JAZF1: variants seen among roughly 807,000 people sequenced by gnomAD.
JAZF1 encodes the protein JAZF zinc finger 1, also known as juxtaposed with another zinc finger protein 1.
Under a neutral mutation model 26.4 loss-of-function variants are expected in JAZF1, and 8 were observed. That is an observed-to-expected ratio of 0.30 (90% CI 0.18 to 0.55). The LOEUF (loss-of-function observed/expected upper bound fraction) is 0.55. JAZF1 is among the 20% of genes least tolerant of loss of function. The probability of loss-of-function intolerance (pLI) is 0.94; values close to 1 mark genes in which losing one functional copy is unlikely to be tolerated. For missense variants in JAZF1, 199 were observed against 322.0 expected (o/e 0.62, Z 2.92); for synonymous variants, 126 against 122.3 (o/e 1.03, Z -0.20).
intron 1 of JAZF1, among the ~76,000 whole-genome samples, chr7:28,028,976 C>T (rs1406430619): frequency 4.0e-5 from 6 of 151,854 alleles, no homozygotes; most frequent in Non-Finnish European, 7.4e-5. Flanking sequence ...CAAATTTATT[C>T]CTTCATCCTA....
chr7:27,854,941 T>C (rs1422046799), intron 3 of JAZF1, among the ~76,000 whole-genome samples: 1 of 152,212 alleles, frequency 6.6e-6, no homozygotes, highest in Non-Finnish European at 1.5e-5. Context: ...TCCTGGAAAA[T>C]ATCCTGAAGA....
intron 2 of JAZF1, among the ~76,000 whole-genome samples, chr7:27,990,306 G>A (rs1390724515): frequency 2.0e-5 from 3 of 152,102 alleles, no homozygotes; most frequent in African/African-American, 7.2e-5. Context: ...AGGTGAGAGG[G>A]ATAGCATTAG....
At chr7:28,172,656 C>G (rs970580318) in intron 1 of JAZF1, among the ~76,000 whole-genome samples, 4 of 152,144 alleles carry the variant, frequency 2.6e-5, no homozygotes, top group Non-Finnish European at 5.9e-5. Flanking sequence ...AAAGAATTCT[C>G]CACAGACCTG....
chr7:27,947,486 G>A (rs1784938217), intron 2 of JAZF1, among the ~76,000 whole-genome samples: 2 of 152,096 alleles, frequency 1.3e-5, no homozygotes, highest in Non-Finnish European at 2.9e-5. Context: ...TGGCATTTGT[G>A]GCTTATGAGA....
intron 1 of JAZF1, among the ~76,000 whole-genome samples, chr7:28,053,349 G>A (rs983572941): frequency 2.6e-5 from 4 of 152,062 alleles, no homozygotes; most frequent in Non-Finnish European, 5.9e-5. Context: ...AAGTGGGTTT[G>A]GTGAATCACA....
chr7:27,856,673 C>T (rs1029313551), intron 3 of JAZF1, among the ~76,000 whole-genome samples: 2 of 152,100 alleles, frequency 1.3e-5, no homozygotes, highest in Admixed American at 6.5e-5. Flanking sequence ...TACAGAGTGT[C>T]GATTGGTGTA....
At chr7:27,984,746 A>G (rs1207082850) in intron 2 of JAZF1, among the ~76,000 whole-genome samples, 12 of 152,234 alleles carry the variant, frequency 7.9e-5, no homozygotes, top group Non-Finnish European at 1.6e-4. Context: ...AAATTATAAC[A>G]AACTGTCTCT....
intron 2 of JAZF1, among the ~76,000 whole-genome samples, chr7:27,953,687 A>T (rs1785045522): frequency 6.6e-6 from 1 of 152,236 alleles, no homozygotes; most frequent in Non-Finnish European, 1.5e-5. Flanking sequence ...GATAAAAAAG[A>T]CAAATTTAAC....
At chr7:28,105,456 T>C (rs988069878) in intron 1 of JAZF1, among the ~76,000 whole-genome samples, 6 of 152,240 alleles carry the variant, frequency 3.9e-5, no homozygotes, top group Non-Finnish European at 7.3e-5. Flanking sequence ...AAACTGCACC[T>C]TGGGACACTT....
At chr7:28,071,540 CAA>C (rs1783976896) in intron 1 of JAZF1, 1 of 459,580 alleles carries the variant, frequency 2.2e-6, no homozygotes, top group Non-Finnish European at 4.5e-6. Flanking sequence ...TATTAATACA[CAA>C]AAGTTAGTAT....
intron 2 of JAZF1, among the ~76,000 whole-genome samples, chr7:27,974,469 AAC>A (rs1258105220): frequency 6.6e-6 from 1 of 152,172 alleles, no homozygotes; most frequent in African/African-American, 2.4e-5. Flanking sequence ...TACAGTGCGA[AAC>A]ACTTCAAACT....
chr7:27,917,045 C>T (rs955699004), intron 2 of JAZF1, among the ~76,000 whole-genome samples: 13 of 152,290 alleles, frequency 8.5e-5, no homozygotes, highest in African/African-American at 3.1e-4. Flanking sequence ...TGGAGACCAG[C>T]CTGGGCAACA....
At chr7:28,064,709 T>C (rs914156167) in intron 1 of JAZF1, among the ~76,000 whole-genome samples, 1 of 152,198 alleles carries the variant, frequency 6.6e-6, no homozygotes, top group African/African-American at 2.4e-5. Context: ...TTTCACAGAT[T>C]AGGAACTTGA....
At chr7:28,120,340 A>G (rs1012647970) in intron 1 of JAZF1, among the ~76,000 whole-genome samples, 12 of 152,000 alleles carry the variant, frequency 7.9e-5, no homozygotes, top group South Asian at 6.3e-4. Context: ...CATCAAACCC[A>G]TATCATTGCT....
rs546455574 is a variant in JAZF1 at position 27,994,468 on chromosome 7, A to ACAC, written c.116-2488_116-2487insGTG. 1.7e-4 allele frequency among the ~76,000 whole-genome samples: 12 copies of ACAC among 69,328 alleles called. No individual in the cohort carries two copies. In the South Asian group the frequency reaches 2.8e-3, roughly 16 times the overall value. The allele number at this position is 69,328 out of a possible 152,430, so 45.5% of individuals were successfully genotyped here. On this transcript the variant is annotated intron_variant, in intron 1 of 4. Transcript: ENST00000283928. ...AAAAAAAAAAAACAAAAAACAAAAA[A>ACAC]AAACACACACACACAAAAAACCATT...
intron 1 of JAZF1, among the ~76,000 whole-genome samples, chr7:28,168,915 C>T (rs959853712): frequency 1.1e-4 from 17 of 152,236 alleles, no homozygotes; most frequent in Admixed American, 9.2e-4. Flanking sequence ...GGGCTAAGAA[C>T]ACATAGGCTC....
At chr7:28,128,848 T>C (rs1483807096) in intron 1 of JAZF1, among the ~76,000 whole-genome samples, 1 of 152,212 alleles carries the variant, frequency 6.6e-6, no homozygotes, top group East Asian at 1.9e-4. Context: ...GTGTGAATTC[T>C]TTCACATAAT....
chr7:27,938,000 C>T lies in JAZF1; in HGVS notation c.189-42584G>A, dbSNP rs117857052. 7.2e-3 allele frequency among the ~76,000 whole-genome samples: 1,098 copies of T among 152,278 alleles called. 8 individuals are homozygous for T. The highest frequency in any genetic ancestry group is 0.02 in the Middle Eastern group (6 of 294). ...TCTTGGACATCTTTTCAGGTCAGTA[C>T]ATATAGATCTACCTCATGGTTTTAA... On this transcript the variant is annotated intron_variant, in intron 2 of 4. Coordinates refer to ENST00000283928, the MANE Select transcript of JAZF1 (RefSeq NM_175061.4).
At chr7:27,874,048 G>T (rs367704218) in intron 3 of JAZF1, among the ~76,000 whole-genome samples, 10 of 152,220 alleles carry the variant, frequency 6.6e-5, no homozygotes, top group Admixed American at 5.9e-4. Context: ...GAATTAATTT[G>T]TAACTCATTA....
Sources: allele counts gnomAD v4.1 joint callset (sites outside exome capture counted in the v4.1 genomes callset), GRCh38; gene constraint gnomAD v4.1.1; transcripts MANE v1.5; gene names NCBI Gene and HGNC (gene_info 2026-07-23, HGNC 2026-07-21).